CRACDL: variants seen among roughly 807,000 people sequenced by gnomAD.
CRACDL encodes CRACD like, also known as CRACD-like protein.
A neutral mutation model predicts 70.6 loss-of-function variants in CRACDL; 26 were observed. The observed-to-expected ratio is 0.37, with a 90% CI of 0.27 to 0.51. The LOEUF is 0.51. Among genes scored for constraint, CRACDL ranks in the 20% least tolerant of loss-of-function variants. The pLI is 0.94. For synonymous variants in CRACDL, 618 were observed against 615.2 expected (o/e 1.00, Z -0.07); for missense variants, 1,283 against 1,376.9 (o/e 0.93, Z 1.08).
Position 98,823,292 on chromosome 2 carries a change from G to A in CRACDL, c.981C>T (p.Val327=). ...ALTASVEEGG[V]PGEDPSSRPA... ...GGCGGCTTGAGGGGTCCTCCCCGGG[G>A]ACGCCCCCCTCCTCCACGCTGGCCG... The change falls in exon 7 of 10, where the codon GTC becomes GTT. Residue 327 remains valine (V), a synonymous_variant. Coordinates refer to ENST00000397899, the MANE Select transcript of CRACDL (RefSeq NM_207362.3). This position sits in a 1 kb window ranked among gnomAD's most constrained non-coding sequence, Gnocchi z 4.0. 3 of 1,420,454 alleles carry A rather than the reference G, an allele frequency of 2.1e-6. No homozygotes were observed. The highest frequency in any genetic ancestry group is 2.7e-6 in the Non-Finnish European group (3 of 1,098,182). The allele number at this position is 1,420,454 out of a possible 1,614,324, so 88.0% of individuals were successfully genotyped here.
chr2:98,828,606 C>T (rs183479560), intron 5 of CRACDL, among the ~76,000 whole-genome samples: 1 of 152,182 alleles, frequency 6.6e-6, no homozygotes, highest in Admixed American at 6.5e-5. Flanking sequence ...AGATGGGCTT[C>T]GATACGGGAG....
intron 2 of CRACDL, among the ~76,000 whole-genome samples, chr2:98,845,161 C>T (rs1341973980): frequency 6.6e-6 from 1 of 151,898 alleles, no homozygotes; most frequent in Non-Finnish European, 1.5e-5. Context: ...TGTTGTCTCT[C>T]CAGGTTGCCA....
intron 1 of CRACDL, among the ~76,000 whole-genome samples, chr2:98,911,689 C>A (rs759755977): frequency 6.6e-6 from 1 of 152,140 alleles, no homozygotes; most frequent in Non-Finnish European, 1.5e-5. Context: ...ATTTTGTGAA[C>A]CCGAATGCTG....
intron 1 of CRACDL, among the ~76,000 whole-genome samples, chr2:98,903,619 T>C (rs1366255490): frequency 1.3e-5 from 2 of 152,170 alleles, no homozygotes; most frequent in African/African-American, 2.4e-5. Context: ...CTGCAAACAC[T>C]TAAATCAAGG....
At chr2:98,841,704 T>A (rs1171441927) in intron 2 of CRACDL, among the ~76,000 whole-genome samples, 2 of 152,160 alleles carry the variant, frequency 1.3e-5, no homozygotes, top group Admixed American at 1.3e-4. Context: ...TGTCCGAAAA[T>A]GCTTTCATTT....
At chr2:98,801,083 C>T (rs1193441028) in intron 7 of CRACDL, among the ~76,000 whole-genome samples, 1 of 152,186 alleles carries the variant, frequency 6.6e-6, no homozygotes, top group Non-Finnish European at 1.5e-5. Flanking sequence ...ATGACCACAC[C>T]ACCATTTCTC....
chr2:98,934,343 G>A (rs1446522616), intron 1 of CRACDL, among the ~76,000 whole-genome samples: 3 of 151,430 alleles, frequency 2.0e-5, no homozygotes, highest in Admixed American at 6.6e-5. Context: ...GATTACAGGC[G>A]CCACACCTGG....
intron 1 of CRACDL, among the ~76,000 whole-genome samples, chr2:98,921,532 G>C (rs532916198): frequency 6.6e-6 from 1 of 152,240 alleles, no homozygotes; most frequent in Non-Finnish European, 1.5e-5. Context: ...AGTCAAAAAT[G>C]TAAGTCTCAT....
chr2:98,848,812 T>C (rs1179280923), intron 1 of CRACDL, among the ~76,000 whole-genome samples: 1 of 152,218 alleles, frequency 6.6e-6, no homozygotes, highest in Admixed American at 6.5e-5. Flanking sequence ...GGTCTTGAAC[T>C]CTTGAGCTCA....
chr2:98,888,848 A>T (rs1479424545), intron 1 of CRACDL, among the ~76,000 whole-genome samples: 1 of 152,134 alleles, frequency 6.6e-6, no homozygotes, highest in Non-Finnish European at 1.5e-5. Context: ...ACAGTAACCA[A>T]GCCGGGCGCA....
chr2:98,932,623 A>G (rs1709105960), intron 1 of CRACDL, among the ~76,000 whole-genome samples: 1 of 152,006 alleles, frequency 6.6e-6, no homozygotes. Flanking sequence ...AATCCCCGCA[A>G]CGCCGCTGCC....
rs563335061 is a variant in CRACDL at position 98,869,275 on chromosome 2, G to A, written c.-10-22465C>T. ...GTCCCCATCTCTCACAGAAGTACCC[G>A]TGCGCCAGGAGGAAGTGGGGCTTCT... On this transcript the variant is annotated intron_variant, in intron 1 of 9. Transcript: ENST00000397899. 137 of 1,227,770 alleles carry A rather than the reference G, an allele frequency of 1.1e-4. 2 individuals are homozygous for A. In the Admixed American group the frequency reaches 2.7e-3, roughly 24 times the overall value. 76.1% of individuals were successfully genotyped at this position (1,227,770 alleles called of 1,614,324 possible).
chr2:98,849,573 G>A (rs1256034626), intron 1 of CRACDL, among the ~76,000 whole-genome samples: 6 of 151,998 alleles, frequency 3.9e-5, no homozygotes, highest in Non-Finnish European at 7.4e-5. Context: ...GCGGAGGGCC[G>A]GGGAGGGGGG....
chr2:98,885,959 G>A (rs1289428155), intron 1 of CRACDL, among the ~76,000 whole-genome samples: 1 of 151,744 alleles, frequency 6.6e-6, no homozygotes, highest in Non-Finnish European at 1.5e-5. Flanking sequence ...TCAGAACTCT[G>A]GAAATTAATG....
intron 7 of CRACDL, among the ~76,000 whole-genome samples, chr2:98,810,473 GA>G (rs1197194967): frequency 6.6e-6 from 1 of 152,178 alleles, no homozygotes; most frequent in Non-Finnish European, 1.5e-5. Flanking sequence ...GAGTTGGAGG[GA>G]GGAGGTACTG....
intron 3 of CRACDL, 59 bp from the exon 4 acceptor site, chr2:98,833,056 G>A (rs749361861): frequency 4.8e-5 from 73 of 1,506,796 alleles, no homozygotes; most frequent in Non-Finnish European, 6.4e-5. Context: ...ACCCCTGGGG[G>A]GCTCAGAATG....
At chr2:98,896,818 C>T (rs1272410823) in intron 1 of CRACDL, among the ~76,000 whole-genome samples, 3 of 151,990 alleles carry the variant, frequency 2.0e-5, no homozygotes, top group Non-Finnish European at 2.9e-5. Context: ...CTGTCTCTAG[C>T]GATAAGTGGA....
chr2:98,919,070 C>T (rs1708736663), intron 1 of CRACDL, among the ~76,000 whole-genome samples: 1 of 152,164 alleles, frequency 6.6e-6, no homozygotes, highest in South Asian at 2.1e-4. Flanking sequence ...TCAGGTCTTA[C>T]ATTTGAGTCT....
rs918630133 is a variant in CRACDL, at chr2:98,837,973, A to G, written c.239+146T>C. On this transcript the variant is annotated intron_variant, in intron 3 of 9. Transcript: ENST00000397899. ...ACAGCATTCTCCATCCCTAGGTTTG[A>G]AAAGACAGAAAACACAACTTCTATG... The G allele has an allele frequency of 4.7e-6, 3 of 638,040 alleles. No homozygotes were observed. The African/African-American group carries it at 5.6e-5, about 12-fold the overall frequency. 39.5% of individuals were successfully genotyped at this position (638,040 alleles called of 1,614,324 possible).
Sources: allele counts gnomAD v4.1 joint callset (sites outside exome capture counted in the v4.1 genomes callset), GRCh38; gene constraint gnomAD v4.1.1; non-coding constraint Gnocchi (gnomAD v3.1); transcripts MANE v1.5; gene names NCBI Gene and HGNC (gene_info 2026-07-23, HGNC 2026-07-21).